Variants in CLYBL observed in about 807,000 individuals in gnomAD.
CLYBL encodes citramalyl-CoA lyase.
Under a neutral mutation model 38.9 loss-of-function variants are expected in CLYBL, and 31 were observed. That is an observed-to-expected ratio of 0.80 (90% CI 0.60 to 1.08). The LOEUF (loss-of-function observed/expected upper bound fraction) is 1.08. CLYBL is among the 50% of genes least tolerant of loss of function. The probability of loss-of-function intolerance (pLI) is 0.00; values close to 1 mark genes in which losing one functional copy is unlikely to be tolerated. For synonymous variants in CLYBL, 171 were observed against 158.6 expected, an observed-to-expected ratio of 1.08 and a Z score of -0.59; for missense variants, 434 against 411.6, an observed-to-expected ratio of 1.05 and a Z score of -0.47.
intron 1 of CLYBL, among the ~76,000 whole-genome samples, chr13:99,711,403 CTTTTTTTT>C (rs71215540): frequency 1.2e-5 from 1 of 83,190 alleles, no homozygotes; most frequent in African/African-American, 5.1e-5. Flanking sequence ...GGGAGTCCGT[CTTTTTTTT>C]TTTTTTTTTT....
intron 2 of CLYBL, among the ~76,000 whole-genome samples, chr13:99,774,788 GGA>G (rs922910444): frequency 1.3e-5 from 2 of 152,190 alleles, no homozygotes; most frequent in South Asian, 4.1e-4. Context: ...CATGTGCCAA[GGA>G]AAATACTATT....
chr13:99,886,206 T>G (rs74113453), intron 7 of CLYBL, among the ~76,000 whole-genome samples: 3,493 of 152,286 alleles, frequency 0.023, 125 homozygotes, highest in African/African-American at 0.078. Flanking sequence ...AGAAGTTAAT[T>G]TGGAAACATA....
At chr13:99,871,689 A>C (rs2051904230) in intron 7 of CLYBL, among the ~76,000 whole-genome samples, 1 of 152,222 alleles carries the variant, frequency 6.6e-6, no homozygotes, top group Admixed American at 6.5e-5. Context: ...GTGGTAATGC[A>C]CAATCTGTCT....
downstream of CLYBL, chr13:99,895,602 C>G (rs143542899): frequency 6.6e-6 from 1 of 152,230 alleles, no homozygotes; most frequent in African/African-American, 2.4e-5. Flanking sequence ...CTTTCCCAGA[C>G]CCCGCGGGCG....
intron 9 of CLYBL, among the ~76,000 whole-genome samples, chr13:99,906,319 A>G (rs1466971846): frequency 6.6e-6 from 1 of 152,246 alleles, no homozygotes; most frequent in East Asian, 1.9e-4. Context: ...AATGTCTGTT[A>G]AGATTTCATT....
At chr13:99,639,864 T>C (rs1473992115) in intron 1 of CLYBL, among the ~76,000 whole-genome samples, 2 of 152,200 alleles carry the variant, frequency 1.3e-5, no homozygotes, top group African/African-American at 4.8e-5. Flanking sequence ...ACCAGTGCAC[T>C]CTAGCCTGGG....
chr13:99,685,154 C>T (rs2047798381), intron 1 of CLYBL, among the ~76,000 whole-genome samples: 1 of 152,150 alleles, frequency 6.6e-6, no homozygotes, highest in Admixed American at 6.6e-5. Context: ...AAAATGTGCC[C>T]CTTCTTGTGA....
At chr13:99,883,573 G>A (rs539206902) in intron 7 of CLYBL, among the ~76,000 whole-genome samples, 1 of 151,856 alleles carries the variant, frequency 6.6e-6, no homozygotes, top group Admixed American at 6.6e-5. Flanking sequence ...CTCTCTTCCA[G>A]ATTGCTTTAA....
intron 2 of CLYBL, among the ~76,000 whole-genome samples, chr13:99,844,492 GGA>G (rs2051154060): frequency 6.6e-6 from 1 of 152,126 alleles, no homozygotes; most frequent in South Asian, 2.1e-4. Flanking sequence ...CACACCATTG[GGA>G]CACCATTGGT....
chr13:99,748,429 G>GTTT lies in CLYBL; in HGVS notation c.63-24369_63-24367dup, dbSNP rs1165919560. ...CTGGCAACTATCACTCTAGTTTTGTGTTTTTTTTTTTTTTTTTTTTTTTTT... is the reference window on the plus strand; with the variant it reads ...CTGGCAACTATCACTCTAGTTTTGTGTTTTTTTTTTTTTTTTTTTTTTTTTTTT... On this transcript the variant is annotated intron_variant, in intron 1 of 8. Coordinates refer to ENST00000339105, the MANE Select transcript of CLYBL (RefSeq NM_206808.5). Among the ~76,000 whole-genome samples the GTTT allele has an allele frequency of 9.4e-4, 82 of 87,688 alleles. 6 individuals are homozygous for GTTT. Among genetic ancestry groups the GTTT allele is most frequent in the African/African-American group, 3.0e-3 (56 of 18,740 alleles). The allele number at this position is 87,688 out of a possible 152,430, so 57.5% of individuals were successfully genotyped here.
chr13:99,763,650 G>A (rs1164405830), intron 1 of CLYBL, among the ~76,000 whole-genome samples: 1 of 150,100 alleles, frequency 6.7e-6, no homozygotes, highest in African/African-American at 2.5e-5. Flanking sequence ...CGCCTCCCGA[G>A]TTCAAGCGAT....
intron 7 of CLYBL, among the ~76,000 whole-genome samples, chr13:99,881,080 C>T (rs1168805012): frequency 6.6e-6 from 1 of 152,188 alleles, no homozygotes. Context: ...ACCCCAAACC[C>T]GATATTCCCA....
intron 7 of CLYBL, among the ~76,000 whole-genome samples, chr13:99,886,585 T>C (rs1420920449): frequency 6.6e-6 from 1 of 152,278 alleles, no homozygotes. Flanking sequence ...CAGTGATTTA[T>C]TACAACAAAT....
At chr13:99,662,135 C>T (rs529520250) in intron 1 of CLYBL, among the ~76,000 whole-genome samples, 23 of 152,282 alleles carry the variant, frequency 1.5e-4, no homozygotes, top group Admixed American at 1.0e-3. Flanking sequence ...TATTTTGTCC[C>T]TTTAAAGAGG....
At chr13:99,654,923 T>G (rs2047307867) in intron 1 of CLYBL, among the ~76,000 whole-genome samples, 1 of 151,838 alleles carries the variant, frequency 6.6e-6, no homozygotes, top group Admixed American at 6.6e-5. Flanking sequence ...GAGAATTGCT[T>G]GAACCCGGGA....
downstream of CLYBL, among the ~76,000 whole-genome samples, chr13:99,897,520 C>A (rs947149185): frequency 6.6e-6 from 1 of 152,186 alleles, no homozygotes; most frequent in Non-Finnish European, 1.5e-5. Context: ...CTGGCTGTCA[C>A]CAGGATGGGT....
chr13:99,748,080 A>C (rs1338056968), intron 1 of CLYBL, among the ~76,000 whole-genome samples: 1 of 152,106 alleles, frequency 6.6e-6, no homozygotes, highest in African/African-American at 2.4e-5. Context: ...AACTATACCC[A>C]TTAGACAAAA....
At chr13:99,623,067 T>G (rs2046820755) in intron 1 of CLYBL, among the ~76,000 whole-genome samples, 1 of 152,246 alleles carries the variant, frequency 6.6e-6, no homozygotes. Context: ...TTGTGACTAG[T>G]GCTGCTATGA....
intron 2 of CLYBL, among the ~76,000 whole-genome samples, chr13:99,845,230 A>G (rs890074901): frequency 2.6e-5 from 4 of 152,300 alleles, no homozygotes; most frequent in South Asian, 2.1e-4. Flanking sequence ...CGTCCACACA[A>G]TCTGTTATGC....
Sources: gnomAD v4.1 joint callset for allele counts (sites outside exome capture counted in the v4.1 genomes callset) on GRCh38, gnomAD v4.1.1 for gene constraint, MANE v1.5 for transcripts, NCBI Gene and HGNC (gene_info 2026-07-23, HGNC 2026-07-21) for gene names.